Variants in NAV2 observed in about 807,000 individuals in gnomAD.
The protein encoded by NAV2 is helicase, APC down-regulated 1.
Under a neutral mutation model 223.2 loss-of-function variants are expected in NAV2, and 54 were observed. The ratio of observed to expected loss-of-function variants is 0.24; its 90% CI spans 0.19 to 0.30. The LOEUF is 0.30. NAV2 is among the 10% of genes least tolerant of loss of function. The probability of loss-of-function intolerance (pLI) is 1.00; values close to 1 mark genes in which losing one functional copy is unlikely to be tolerated. For synonymous variants in NAV2, 1,279 were observed against 1,239.3 expected (o/e 1.03, Z -0.67); for missense variants, 2,806 against 3,147.5 (o/e 0.89, Z 2.60).
At position 20,045,809 on chromosome 11, in the gene NAV2, G is replaced by A. The variant is rs190545821; in HGVS notation, c.3902+139G>A. 177 of 728,086 alleles carry A rather than the reference G, an allele frequency of 2.4e-4. 2 individuals are homozygous for A. In the East Asian group the frequency reaches 4.5e-3, roughly 19 times the overall value. 45.1% of individuals were successfully genotyped at this position (728,086 alleles called of 1,614,324 possible). A position where few individuals can be genotyped will look rare whatever the true frequency, so the allele number is the denominator to read the frequency against. On this transcript the variant is annotated intron_variant, in intron 14 of 37. Transcript: ENST00000349880. ...TAAAGCTGTTTTGTCAGATCAGGCC[G>A]GCAGTTTTGCAGTTGACTATTTTCC...
intron 22 of NAV2, among the ~76,000 whole-genome samples, chr11:20,068,816 T>C (rs1417625042): frequency 6.6e-6 from 1 of 152,216 alleles, no homozygotes; most frequent in African/African-American, 2.4e-5. Context: ...TGCTCTGTCA[T>C]TGTGATATAC....
At position 20,101,168 on chromosome 11, in the gene NAV2, G is replaced by T. The variant is rs141598920; in HGVS notation, c.6413G>T (p.Ser2138Ile). Residue 2138 changes from serine (S) to isoleucine (I), a missense_variant, in exon 32 of 38, where the codon AGC becomes ATC. Ser to Ile is a moderately radical substitution (Grantham distance 142, BLOSUM62 -2). Transcript: ENST00000349880. ...IATFNVDHKS[S>I]KELRQYLSNL... ...ACCTTTAACGTGGACCATAAGTCCA[G>T]CAAGGTGAGGAGGTCATTCTGAGTC... 6.3e-5 allele frequency: 102 copies of T among 1,609,492 alleles called. No individual in the cohort carries two copies. Among genetic ancestry groups the T allele is most frequent in the Non-Finnish European group, 8.3e-5 (98 of 1,176,170 alleles).
chr11:19,388,250 A>G (rs749016429), intron 1 of NAV2, among the ~76,000 whole-genome samples: 2 of 152,220 alleles, frequency 1.3e-5, no homozygotes, highest in African/African-American at 2.4e-5. Flanking sequence ...GGAGTTCCTC[A>G]GGATAATGGA....
intron 26 of NAV2, among the ~76,000 whole-genome samples, chr11:20,086,295 C>T (rs1187071185): frequency 1.3e-5 from 2 of 152,236 alleles, no homozygotes; most frequent in Admixed American, 1.3e-4. Context: ...CTCTGGCCCA[C>T]TTGTTCTTTG....
chr11:20,101,076 G>A lies in NAV2; in HGVS notation c.6321G>A (p.Leu2107=). The change falls in exon 32 of 38, where the codon CTG becomes CTA. Residue 2107 remains leucine, a synonymous_variant. Coordinates refer to ENST00000349880, the MANE Select transcript of NAV2 (RefSeq NM_145117.5). The stretch of plus-strand genomic sequence containing the variant: ...CCAGCGGCACTGGGAAAACCTACCT[G>A]GCCAACCGGCTGTCTGAGTATATAG... ...SGPSGTGKTY[L]ANRLSEYIVL... is the part of the protein sequence containing the mutation. The A allele has an allele frequency of 6.2e-7, 1 of 1,614,120 alleles. No individual in the cohort carries two copies. The highest frequency in any genetic ancestry group is 8.5e-7 in the Non-Finnish European group (1 of 1,180,024).
chr11:19,619,095 G>A (rs1355495855), intron 1 of NAV2, among the ~76,000 whole-genome samples: 2 of 148,340 alleles, frequency 1.3e-5, no homozygotes, highest in East Asian at 2.0e-4. Flanking sequence ...AACTCATCCT[G>A]TGTTATGGCT....
At chr11:19,689,964 A>G (rs1433391718) in intron 1 of NAV2, among the ~76,000 whole-genome samples, 1 of 152,068 alleles carries the variant, frequency 6.6e-6, no homozygotes, top group Non-Finnish European at 1.5e-5. Context: ...ATTTACATCT[A>G]TTTTATTTTA....
chr11:19,359,369 C>T (rs532184117), intron 1 of NAV2, among the ~76,000 whole-genome samples: 26 of 152,296 alleles, frequency 1.7e-4, no homozygotes, highest in African/African-American at 4.8e-4. Context: ...TGAATTTCCA[C>T]GGGTCCATGG....
rs2058740420 is a variant in NAV2, at chr11:19,809,360, AG to A, written c.268-23122del. ...GGCTAAATCCACATGTTATCCATGG[AG>A]GATTAAGAATTGGGTTTTCAAACCT... On this transcript the variant is annotated intron_variant, in intron 1 of 37. Coordinates refer to ENST00000349880, the MANE Select transcript of NAV2 (RefSeq NM_145117.5). Among the ~76,000 whole-genome samples the A allele has an allele frequency of 6.6e-5, 10 of 152,340 alleles. 1 individual carries two copies. In the South Asian group the frequency reaches 2.1e-3, roughly 32 times the overall value.
Position 19,744,117 on chromosome 11 carries a change from A to G in NAV2, c.267+30155A>G, listed in dbSNP as rs2053122960. ...TGTGATTGTTCCCATATTACAGATG[A>G]AGAAACTGAGGCTTACAGAGGTTCA... On this transcript the variant is annotated intron_variant, in intron 1 of 37. Coordinates refer to ENST00000349880, the MANE Select transcript of NAV2 (RefSeq NM_145117.5). Among the ~76,000 whole-genome samples, 4 of 152,230 alleles carry G rather than the reference A, an allele frequency of 2.6e-5. No individual in the cohort carries two copies. The South Asian group carries it at 8.3e-4, about 32-fold the overall frequency.
intron 1 of NAV2, among the ~76,000 whole-genome samples, chr11:19,827,959 A>G (rs1391538499): frequency 1.4e-5 from 2 of 146,382 alleles, no homozygotes; most frequent in Non-Finnish European, 1.5e-5. Flanking sequence ...CGTCTCTACC[A>G]AGGGGAGGAA....
chr11:20,098,675 G>T (rs991341784), intron 31 of NAV2, among the ~76,000 whole-genome samples: 1 of 152,226 alleles, frequency 6.6e-6, no homozygotes, highest in Non-Finnish European at 1.5e-5. Flanking sequence ...GTGGCAAGTG[G>T]TACATATTGC....
intron 1 of NAV2, among the ~76,000 whole-genome samples, chr11:19,792,326 T>C (rs923934579): frequency 9.9e-5 from 15 of 152,206 alleles, no homozygotes; most frequent in African/African-American, 3.6e-4. Flanking sequence ...GATTTTGTTC[T>C]AAGTAGTGGG....
At chr11:19,838,805 G>T (rs1759545371) in intron 2 of NAV2, among the ~76,000 whole-genome samples, 1 of 152,122 alleles carries the variant, frequency 6.6e-6, no homozygotes, top group Admixed American at 6.5e-5. Context: ...TGTATTTTTA[G>T]TAGAGACAGG....
intron 1 of NAV2, among the ~76,000 whole-genome samples, chr11:19,619,954 G>A (rs1226943574): frequency 6.6e-6 from 1 of 152,156 alleles, no homozygotes; most frequent in Non-Finnish European, 1.5e-5. Context: ...GTAAGGAAGG[G>A]ATCCAGTTTC....
At chr11:19,563,898 T>C (rs1463727301) in intron 1 of NAV2, among the ~76,000 whole-genome samples, 3 of 152,316 alleles carry the variant, frequency 2.0e-5, no homozygotes, top group East Asian at 1.9e-4. Flanking sequence ...ATGCTTAGCA[T>C]TGGGCTTGGC....
chr11:19,459,531 A>C (rs2702686), intron 1 of NAV2, among the ~76,000 whole-genome samples: 4,216 of 152,286 alleles, frequency 0.028, 196 homozygotes, highest in African/African-American at 0.097. Flanking sequence ...CTAAGGTAGA[A>C]TGAGTGGAGG....
chr11:19,765,540 G>A (rs937314420), intron 1 of NAV2, among the ~76,000 whole-genome samples: 1 of 151,900 alleles, frequency 6.6e-6, no homozygotes, highest in Non-Finnish European at 1.5e-5. Flanking sequence ...TAACTGACGG[G>A]CTTACAAAAA....
intron 1 of NAV2, among the ~76,000 whole-genome samples, chr11:19,646,678 C>A (rs2047824457): frequency 1.3e-5 from 2 of 152,070 alleles, no homozygotes; most frequent in African/African-American, 2.4e-5. Context: ...GGTAATCATA[C>A]AACAATTTTC....
Sources: gnomAD v4.1 joint callset for allele counts (sites outside exome capture counted in the v4.1 genomes callset) on GRCh38, gnomAD v4.1.1 for gene constraint, MANE v1.5 for transcripts, NCBI Gene and HGNC (gene_info 2026-07-23, HGNC 2026-07-21) for gene names.